TMTC1: variants seen among roughly 807,000 people sequenced by gnomAD.
TMTC1 encodes protein O-mannosyl-transferase TMTC1.
Under a neutral mutation model 104.8 loss-of-function variants are expected in TMTC1, and 73 were observed. The observed-to-expected ratio is 0.70, with a 90% CI of 0.58 to 0.85. TMTC1 has a LOEUF of 0.85. Among genes scored for constraint, TMTC1 ranks in the 40% least tolerant of loss-of-function variants. The pLI, the probability that TMTC1 is intolerant of heterozygous loss-of-function variation, is 0.00. For missense variants in TMTC1, 1,035 were observed against 1,096.1 expected, an observed-to-expected ratio of 0.94 and a Z score of 0.79; for synonymous variants, 434 against 428.7, an observed-to-expected ratio of 1.01 and a Z score of -0.15.
chr12:29,592,267 A>G (rs1029156596), intron 7 of TMTC1, among the ~76,000 whole-genome samples: 1 of 152,076 alleles, frequency 6.6e-6, no homozygotes, highest in Non-Finnish European at 1.5e-5. Context: ...TAGGGTCCCC[A>G]TTTCTCCCCT....
chr12:29,646,029 T>C (rs1278618562), intron 5 of TMTC1, among the ~76,000 whole-genome samples: 1 of 152,222 alleles, frequency 6.6e-6, no homozygotes, highest in Non-Finnish European at 1.5e-5. Flanking sequence ...GACAGAGTTT[T>C]CTGGCTCCAA....
intron 5 of TMTC1, among the ~76,000 whole-genome samples, chr12:29,672,425 C>G (rs758463914): frequency 1.3e-5 from 2 of 152,182 alleles, no homozygotes; most frequent in Non-Finnish European, 2.9e-5. Context: ...TCTCCTTCAT[C>G]TCTTGCATCC....
At chr12:29,523,019 C>A (rs993623387) in intron 11 of TMTC1, among the ~76,000 whole-genome samples, 1 of 152,088 alleles carries the variant, frequency 6.6e-6, no homozygotes, top group African/African-American at 2.4e-5. Flanking sequence ...TTTCAGTGGG[C>A]CAATGGGGAA....
intron 8 of TMTC1, among the ~76,000 whole-genome samples, chr12:29,578,765 C>T (rs909529121): frequency 9.9e-5 from 15 of 152,132 alleles, no homozygotes; most frequent in Admixed American, 8.5e-4. Context: ...CCCCAAATTC[C>T]TAATTGCAGA....
intron 14 of TMTC1, among the ~76,000 whole-genome samples, 199 bp from the exon 15 acceptor site, chr12:29,516,685 A>G (rs759306492): frequency 5.9e-5 from 9 of 152,144 alleles, no homozygotes; most frequent in Non-Finnish European, 1.3e-4. Context: ...TTGTGCATGC[A>G]TTTGTGAGTG....
At chr12:29,630,001 C>T (rs1407289819) in intron 6 of TMTC1, among the ~76,000 whole-genome samples, 1 of 152,086 alleles carries the variant, frequency 6.6e-6, no homozygotes, top group Non-Finnish European at 1.5e-5. Flanking sequence ...TCCCATACAA[C>T]AAATTCACCC....
chr12:29,623,781 C>G (rs1209849247), intron 6 of TMTC1, among the ~76,000 whole-genome samples: 3 of 151,754 alleles, frequency 2.0e-5, no homozygotes, highest in East Asian at 3.9e-4. Flanking sequence ...CCACTGCACT[C>G]TAGCCTGGAC....
At chr12:29,784,145 A>T (rs1272231478), upstream of TMTC1, among the ~76,000 whole-genome samples, 1 of 151,424 alleles carries the variant, frequency 6.6e-6, no homozygotes, top group Non-Finnish European at 1.5e-5. Context: ...GCGGGGAAGG[A>T]CACCCCAGGT....
intron 11 of TMTC1, among the ~76,000 whole-genome samples, chr12:29,531,492 A>G (rs1054731635): frequency 6.6e-6 from 1 of 152,312 alleles, no homozygotes; most frequent in Middle Eastern, 3.4e-3. Flanking sequence ...GCTAGTAATA[A>G]TTTACAGTGG....
chr12:29,669,247 G>A (rs1940409227), intron 5 of TMTC1, among the ~76,000 whole-genome samples: 1 of 152,202 alleles, frequency 6.6e-6, no homozygotes, highest in African/African-American at 2.4e-5. Flanking sequence ...AAGTCCATAT[G>A]GCTGGAAGAT....
intron 5 of TMTC1, among the ~76,000 whole-genome samples, chr12:29,730,880 A>G (rs1942528655): frequency 6.6e-6 from 1 of 152,134 alleles, no homozygotes; most frequent in South Asian, 2.1e-4. Context: ...TATTTTTGTT[A>G]GTGTTTGTTA....
chr12:29,766,954 CT>C (rs34235668), intron 2 of TMTC1, among the ~76,000 whole-genome samples: 139 of 147,316 alleles, frequency 9.4e-4, no homozygotes, highest in African/African-American at 1.6e-3. Flanking sequence ...GCTATCAATA[CT>C]TTTTTTTTTT....
At chr12:29,585,581 A>G (rs996450565) in intron 7 of TMTC1, among the ~76,000 whole-genome samples, 5 of 152,196 alleles carry the variant, frequency 3.3e-5, no homozygotes, top group African/African-American at 7.2e-5. Context: ...TAGGTCTAAC[A>G]TGTAAGTCTT....
At chr12:29,683,023 T>TA (rs1477366774) in intron 5 of TMTC1, among the ~76,000 whole-genome samples, 1 of 152,252 alleles carries the variant, frequency 6.6e-6, no homozygotes, top group Non-Finnish European at 1.5e-5. Flanking sequence ...GCATCTGTGT[T>TA]ATAAAATAAA....
In TMTC1 at chr12:29,537,577, C is replaced by T. The variant is rs532521623; in HGVS notation, c.1677-1260G>A. Among the ~76,000 whole-genome samples, 4 of 152,306 alleles carry T rather than the reference C, an allele frequency of 2.6e-5. No homozygotes were observed. The South Asian group carries it at 6.2e-4, about 24-fold the overall frequency. On this transcript the variant is annotated intron_variant, in intron 10 of 17. Transcript: ENST00000539277. ...TCATAGACCTGTTTCAGCAACATCA[C>T]CTTGGAGCCTGTGAGAAATGCACAA...
At chr12:29,660,928 C>A (rs551664662) in intron 5 of TMTC1, 1 of 1,214,494 alleles carries the variant, frequency 8.2e-7, no homozygotes, top group Non-Finnish European at 1.1e-6. Context: ...GTGTGTCTAC[C>A]AGACACAATG....
intron 5 of TMTC1, among the ~76,000 whole-genome samples, chr12:29,691,793 C>G (rs1330687020): frequency 7.0e-6 from 1 of 142,384 alleles, no homozygotes; most frequent in African/African-American, 2.6e-5. Context: ...AGTGAGTGTG[C>G]TGTACAAATA....
chr12:29,779,518 T>G (rs1308556727), intron 1 of TMTC1, among the ~76,000 whole-genome samples: 1 of 152,208 alleles, frequency 6.6e-6, no homozygotes, highest in Non-Finnish European at 1.5e-5. Context: ...AATTAGTATC[T>G]TTACTACCTA....
At chr12:29,604,972 G>T (rs569190914) in intron 6 of TMTC1, among the ~76,000 whole-genome samples, 1 of 151,698 alleles carries the variant, frequency 6.6e-6, no homozygotes, top group East Asian at 1.9e-4. Context: ...TATTTGCAAA[G>T]ATTTTTATGT....
Sources: gnomAD v4.1 joint callset for allele counts (sites outside exome capture counted in the v4.1 genomes callset) on GRCh38, gnomAD v4.1.1 for gene constraint, MANE v1.5 for transcripts, NCBI Gene and HGNC (gene_info 2026-07-23, HGNC 2026-07-21) for gene names.